Variants in GMDS observed in about 807,000 individuals in gnomAD.
GMDS encodes the protein GDP-mannose 4,6-dehydratase.
GMDS carries 20 observed loss-of-function variants against 49.9 expected under a neutral mutation model. The ratio of observed to expected loss-of-function variants is 0.40; its 90% CI spans 0.28 to 0.58. The LOEUF is 0.58. GMDS is among the 20% of genes least tolerant of loss of function. The probability of loss-of-function intolerance (pLI) is 0.42; values close to 1 mark genes in which losing one functional copy is unlikely to be tolerated. For missense variants in GMDS, 362 were observed against 481.4 expected (o/e 0.75, Z 2.32); for synonymous variants, 177 against 178.6 (o/e 0.99, Z 0.07).
intron 7 of GMDS, among the ~76,000 whole-genome samples, chr6:1,893,912 G>C (rs3800120): frequency 0.95 from 144,944 of 152,274 alleles, 69,167 homozygotes; most frequent in Middle Eastern, 0.99. Flanking sequence ...GCCCAGCCCC[G>C]CTGGCAGGAG....
At chr6:1,868,396 T>C (rs1210642094) in intron 7 of GMDS, among the ~76,000 whole-genome samples, 1 of 152,182 alleles carries the variant, frequency 6.6e-6, no homozygotes, top group Non-Finnish European at 1.5e-5. Context: ...GAAGTAAATA[T>C]GGAGTAAATA....
intron 9 of GMDS, among the ~76,000 whole-genome samples, chr6:1,673,115 A>G (rs1764480384): frequency 6.6e-6 from 1 of 152,190 alleles, no homozygotes; most frequent in South Asian, 2.1e-4. Flanking sequence ...GAGGTTTAAG[A>G]TCTCAGAGAG....
intron 4 of GMDS, among the ~76,000 whole-genome samples, chr6:1,975,155 C>T (rs1301278211): frequency 3.3e-5 from 5 of 152,136 alleles, no homozygotes; most frequent in African/African-American, 1.2e-4. Context: ...TCTATGGCAG[C>T]ACACCACATA....
chr6:2,040,075 T>C (rs915347986), intron 4 of GMDS, among the ~76,000 whole-genome samples: 1 of 152,202 alleles, frequency 6.6e-6, no homozygotes, highest in Non-Finnish European at 1.5e-5. Context: ...TGCCACTGTA[T>C]ATCCAGTCCT....
intron 2 of GMDS, among the ~76,000 whole-genome samples, chr6:2,121,411 T>A (rs1332319400): frequency 6.6e-6 from 1 of 152,186 alleles, no homozygotes; most frequent in Non-Finnish European, 1.5e-5. Flanking sequence ...TAACATTTAA[T>A]CCTGAGCAAA....
At chr6:2,212,722 A>C (rs2127583919) in intron 1 of GMDS, among the ~76,000 whole-genome samples, 1 of 151,722 alleles carries the variant, frequency 6.6e-6, no homozygotes, top group South Asian at 2.1e-4. Context: ...AAAAAAAAAA[A>C]AAAAAAACTA....
intron 1 of GMDS, among the ~76,000 whole-genome samples, chr6:2,231,261 T>C (rs892817620): frequency 1.3e-5 from 2 of 152,016 alleles, no homozygotes; most frequent in African/African-American, 4.8e-5. Context: ...TTGTGAGGTA[T>C]GAAAAGTGCC....
intron 4 of GMDS, among the ~76,000 whole-genome samples, chr6:1,990,581 T>C (rs1386807971): frequency 6.6e-6 from 1 of 152,160 alleles, no homozygotes; most frequent in East Asian, 1.9e-4. Flanking sequence ...GTTTCTGTTT[T>C]ATTCTTTTTT....
intron 9 of GMDS, among the ~76,000 whole-genome samples, chr6:1,719,633 A>G (rs1322842133): frequency 6.6e-6 from 1 of 151,372 alleles, no homozygotes; most frequent in African/African-American, 2.4e-5. Context: ...AAAAAAAAAA[A>G]AGAGAGAGGG....
chr6:1,681,625 G>C (rs992379272), intron 9 of GMDS, among the ~76,000 whole-genome samples: 3 of 152,174 alleles, frequency 2.0e-5, no homozygotes, highest in African/African-American at 7.2e-5. Flanking sequence ...AGGCAGAGAG[G>C]CCAGGGGATC....
intron 4 of GMDS, among the ~76,000 whole-genome samples, chr6:2,084,667 C>T (rs1309150024): frequency 6.6e-6 from 1 of 151,974 alleles, no homozygotes; most frequent in Non-Finnish European, 1.5e-5. Flanking sequence ...CCACCACGCC[C>T]GGCTAATTTT....
chr6:1,729,453 A>C (rs1304880487), intron 8 of GMDS, among the ~76,000 whole-genome samples: 1 of 152,256 alleles, frequency 6.6e-6, no homozygotes, highest in Non-Finnish European at 1.5e-5. Flanking sequence ...GCTACATTGA[A>C]TGAGCAAATG....
intron 7 of GMDS, among the ~76,000 whole-genome samples, chr6:1,863,689 T>C (rs1044403697): frequency 6.6e-6 from 1 of 152,182 alleles, no homozygotes; most frequent in Non-Finnish European, 1.5e-5. Context: ...TTTACAAGGT[T>C]GCCTGAGATC....
chr6:2,160,215 G>A (rs1164449088), intron 1 of GMDS, among the ~76,000 whole-genome samples: 1 of 152,196 alleles, frequency 6.6e-6, no homozygotes, highest in African/African-American at 2.4e-5. Flanking sequence ...TGCAAGTTCA[G>A]CCAAAATATC....
chr6:1,807,093 A>C (rs1279484558), intron 7 of GMDS, among the ~76,000 whole-genome samples: 2 of 151,798 alleles, frequency 1.3e-5, no homozygotes, highest in African/African-American at 2.4e-5. Context: ...TCCAGGCTGG[A>C]GTGCGGTGTG....
intron 4 of GMDS, among the ~76,000 whole-genome samples, chr6:1,969,085 C>A (rs1452644579): frequency 6.6e-6 from 1 of 151,462 alleles, no homozygotes; most frequent in Non-Finnish European, 1.5e-5. Flanking sequence ...CACGGTGAAA[C>A]CCCATCTCTA....
chr6:1,770,468 AAGCC>A lies in GMDS; in HGVS notation c.772-27886_772-27883del, dbSNP rs373803551. Among the ~76,000 whole-genome samples the A allele has an allele frequency of 2.2e-3, 336 of 152,356 alleles. 9 individuals are homozygous for A. Among genetic ancestry groups the A allele is most frequent in the South Asian group, 0.022 (106 of 4,824 alleles). ...CTGACCGTGGAGCACACATAGGGTG[AAGCC>A]ACAGACACCATCAACGCGGCTGCTG... On this transcript the variant is annotated intron_variant, in intron 7 of 10. Coordinates refer to ENST00000380815, the MANE Select transcript of GMDS (RefSeq NM_001500.4).
At chr6:1,846,961 G>C (rs540390376) in intron 7 of GMDS, among the ~76,000 whole-genome samples, 72 of 152,290 alleles carry the variant, frequency 4.7e-4, no homozygotes, top group African/African-American at 1.6e-3. Context: ...TAAGGTGCAG[G>C]GGGAGAAACA....
At chr6:1,934,003 G>A (rs1330467311) in intron 6 of GMDS, among the ~76,000 whole-genome samples, 2 of 152,000 alleles carry the variant, frequency 1.3e-5, no homozygotes, top group African/African-American at 4.8e-5. Flanking sequence ...GAGTTTTATA[G>A]TTTTTCTTCT....
Sources: gnomAD v4.1 joint callset for allele counts (sites outside exome capture counted in the v4.1 genomes callset) on GRCh38, gnomAD v4.1.1 for gene constraint, MANE v1.5 for transcripts, NCBI Gene and HGNC (gene_info 2026-07-23, HGNC 2026-07-21) for gene names.